The following MAP4 variants were observed in gnomAD, a reference collection of about 807,000 sequenced individuals.
MAP4 encodes the protein microtubule associated protein 4.
A neutral mutation model predicts 170.2 loss-of-function variants in MAP4; 76 were observed. The ratio of observed to expected loss-of-function variants is 0.45; its 90% CI spans 0.37 to 0.54. The LOEUF (loss-of-function observed/expected upper bound fraction) is 0.54, where lower values mean the gene tolerates loss of function less well. Among genes scored for constraint, MAP4 ranks in the 20% least tolerant of loss-of-function variants. The probability of loss-of-function intolerance (pLI) is 0.00; values close to 1 mark genes in which losing one functional copy is unlikely to be tolerated. For synonymous variants in MAP4, 909 were observed against 994.5 expected (o/e 0.91, Z 1.62); for missense variants, 2,506 against 2,748.0 (o/e 0.91, Z 1.97).
At chr3:48,026,910 C>G (rs542748178) in intron 1 of MAP4, among the ~76,000 whole-genome samples, 1 of 152,194 alleles carries the variant, frequency 6.6e-6, no homozygotes, top group Non-Finnish European at 1.5e-5. Flanking sequence ...GACTACCCCC[C>G]AAAAACCCTA....
chr3:47,918,599 T>C lies in MAP4; in HGVS notation c.652+120A>G, dbSNP rs549100588. ...TGATATCACTAATATAAGCAAAACA[T>C]TTGTGATTGTTCTGAAATTTTTATA... On this transcript the variant is annotated intron_variant, in intron 6 of 20. Transcript: ENST00000683076. The C allele has an allele frequency of 4.0e-5, 29 of 725,952 alleles. No individual in the cohort carries two copies. The East Asian group carries it at 7.5e-4, about 19-fold the overall frequency. The allele number at this position is 725,952 out of a possible 1,614,324, so 45.0% of individuals were successfully genotyped here.
chr3:47,970,180 T>C (rs1285654922), intron 3 of MAP4, among the ~76,000 whole-genome samples: 4 of 152,334 alleles, frequency 2.6e-5, no homozygotes, highest in East Asian at 1.9e-4. Context: ...GAACTTAAGA[T>C]AGGTTTTTTA....
chr3:47,871,169 C>T (rs2092243207), intron 14 of MAP4, 58 bp downstream of exon 14: 3 of 1,612,526 alleles, frequency 1.9e-6, no homozygotes, highest in East Asian at 4.5e-5. Flanking sequence ...GAGACTTAAG[C>T]CACAGAGGAG....
At chr3:47,994,227 C>G (rs1324217847) in intron 2 of MAP4, among the ~76,000 whole-genome samples, 1 of 152,116 alleles carries the variant, frequency 6.6e-6, no homozygotes, top group African/African-American at 2.4e-5. Flanking sequence ...AATATTTACT[C>G]CAAAAAATTT....
rs764278904 is a variant in MAP4 at position 47,914,844 on chromosome 3, G to T, written c.1972C>A (p.Pro658Thr). The T allele has an allele frequency of 6.2e-7, 1 of 1,614,154 alleles. No individual in the cohort carries two copies. The highest frequency in any genetic ancestry group is 1.1e-5 in the South Asian group (1 of 91,092). ...LGERKPCNSQ[P>T]SELSSETSAN... ...GAGGTCTCTGAAGAAAGCTCAGAAG[G>T]TTGACTGTTGCATGGTTTCCTTTCC... Residue 658 changes from proline to threonine, a missense_variant, in exon 8 of 21, where the codon CCT (proline) becomes ACT (threonine). Physicochemically the swap from Pro to Thr is conservative, Grantham distance 38. Coordinates refer to ENST00000683076, the MANE Select transcript of MAP4 (RefSeq NM_001385682.1).
At chr3:47,984,312 G>C (rs2100087260) in intron 2 of MAP4, among the ~76,000 whole-genome samples, 1 of 151,958 alleles carries the variant, frequency 6.6e-6, no homozygotes, top group Non-Finnish European at 1.5e-5. Context: ...TGGTATTTTT[G>C]ACCTAAAATG....
intron 3 of MAP4, chr3:47,974,341 C>T (rs892067460): frequency 4.2e-6 from 2 of 476,094 alleles, no homozygotes; most frequent in Middle Eastern, 1.1e-3. Flanking sequence ...AGGAGAACCA[C>T]TTGAACCTGG....
chr3:48,068,032 A>AG (rs2100139143), intron 1 of MAP4, among the ~76,000 whole-genome samples: 1 of 152,112 alleles, frequency 6.6e-6, no homozygotes, highest in Non-Finnish European at 1.5e-5. Context: ...TGGGAGGCTG[A>AG]GGTAGGCAGA....
chr3:47,890,950 G>T, intron 10 of MAP4: 3 of 1,253,508 alleles, frequency 2.4e-6, no homozygotes, highest in Non-Finnish European at 3.2e-6. Context: ...TTAGTGCTCT[G>T]CCGGTAATCT....
upstream of MAP4, among the ~76,000 whole-genome samples, chr3:48,018,186 CA>C (rs750953919): frequency 1.1e-4 from 17 of 152,186 alleles, no homozygotes; most frequent in Middle Eastern, 3.2e-3. Flanking sequence ...TACCAATCTA[CA>C]GACCGAGGGT....
rs554218021 is a variant in MAP4, at chr3:47,982,870, A to C, written c.224-4937T>G. Among the ~76,000 whole-genome samples the C allele has an allele frequency of 2.0e-5, 3 of 152,300 alleles. No individual in the cohort carries two copies. In the East Asian group the frequency reaches 5.8e-4, roughly 29 times the overall value. ...AAGATCTACCCTTCTTGAGGAAATA[A>C]ATAAGATTACATGAAAATGAAGGGA... On this transcript the variant is annotated intron_variant, in intron 2 of 20. Coordinates refer to ENST00000683076, the MANE Select transcript of MAP4 (RefSeq NM_001385682.1).
intron 1 of MAP4, among the ~76,000 whole-genome samples, chr3:48,078,390 C>G (rs2100144967): frequency 6.7e-6 from 1 of 148,732 alleles, no homozygotes; most frequent in Admixed American, 6.7e-5. Flanking sequence ...CTCCTGGGCT[C>G]AAGCAATCCT....
At chr3:48,064,314 T>C (rs2100137364) in intron 1 of MAP4, among the ~76,000 whole-genome samples, 2 of 152,058 alleles carry the variant, frequency 1.3e-5, no homozygotes, top group Admixed American at 6.6e-5. Flanking sequence ...CCACCCAGAC[T>C]GATATAAACT....
intron 1 of MAP4, among the ~76,000 whole-genome samples, chr3:48,087,133 G>A (rs2100149460): frequency 6.6e-6 from 1 of 152,196 alleles, no homozygotes; most frequent in African/African-American, 2.4e-5. Context: ...TGTAACTGAG[G>A]TGAAAACATT....
At chr3:47,874,316 A>G (rs906426502) in intron 12 of MAP4, among the ~76,000 whole-genome samples, 1 of 152,082 alleles carries the variant, frequency 6.6e-6, no homozygotes, top group African/African-American at 2.4e-5. Context: ...AAAAATACAA[A>G]AAATTAGCCA....
chr3:48,036,482 T>G (rs1449369284), intron 1 of MAP4, among the ~76,000 whole-genome samples: 1 of 152,212 alleles, frequency 6.6e-6, no homozygotes, highest in Non-Finnish European at 1.5e-5. Context: ...ATTTATCATA[T>G]TTCTGTGTAC....
chr3:47,915,810 G>C (rs938542788), intron 7 of MAP4, 141 bp downstream of exon 7: 2 of 864,542 alleles, frequency 2.3e-6, no homozygotes, highest in Non-Finnish European at 3.5e-6. Context: ...GGAAAGAGTT[G>C]TCTAGGAGAG....
At chr3:47,966,282 C>G (rs1284374281) in intron 3 of MAP4, among the ~76,000 whole-genome samples, 2 of 108,904 alleles carry the variant, frequency 1.8e-5, no homozygotes, top group Admixed American at 2.7e-4. Context: ...GAGTCTTGCT[C>G]TGTTGCCCAG....
At chr3:47,860,540 C>T (rs909052310) in intron 17 of MAP4, among the ~76,000 whole-genome samples, 20 of 152,208 alleles carry the variant, frequency 1.3e-4, no homozygotes, top group Non-Finnish European at 2.1e-4. Flanking sequence ...GCCTCTATCT[C>T]TTGACCTTTT....
Sources: gnomAD v4.1 joint callset for allele counts (sites outside exome capture counted in the v4.1 genomes callset) on GRCh38, gnomAD v4.1.1 for gene constraint, MANE v1.5 for transcripts, NCBI Gene and HGNC (gene_info 2026-07-23, HGNC 2026-07-21) for gene names.